The following BRAP variants were observed in gnomAD, a reference collection of about 807,000 sequenced individuals.
BRAP encodes BRCA1-associated protein.
BRAP carries 42 observed loss-of-function variants against 73.4 expected under a neutral mutation model. That is an observed-to-expected ratio of 0.57 (90% confidence interval 0.45 to 0.74). The LOEUF (loss-of-function observed/expected upper bound fraction) is 0.74, where lower values mean the gene tolerates loss of function less well. Among genes scored for constraint, BRAP ranks in the 30% least tolerant of loss-of-function variants. The pLI is 0.00. For missense variants in BRAP, 593 were observed against 751.4 expected, an observed-to-expected ratio of 0.79 and a Z score of 2.46; for synonymous variants, 255 against 267.4, an observed-to-expected ratio of 0.95 and a Z score of 0.45.
chr12:111,652,989 C>A (rs1886385040), intron 10 of BRAP, among the ~76,000 whole-genome samples: 1 of 152,156 alleles, frequency 6.6e-6, no homozygotes, highest in South Asian at 2.1e-4. Context: ...GAATTACAGG[C>A]GTGATCCACT....
chr12:111,670,139 T>C, intron 5 of BRAP: 1 of 618,664 alleles, frequency 1.6e-6, no homozygotes. Context: ...TTGTTGATGC[T>C]TTCTTTGTCA....
chr12:111,672,276 T>C (rs1887207416), intron 5 of BRAP, among the ~76,000 whole-genome samples: 1 of 152,194 alleles, frequency 6.6e-6, no homozygotes, highest in Non-Finnish European at 1.5e-5. Flanking sequence ...AGCTCCAGGC[T>C]TCGTTGATCT....
At position 111,643,380 on chromosome 12, in the gene BRAP, G is replaced by A. The variant is rs957426935; in HGVS notation, c.*819C>T. The A allele has an allele frequency of 2.5e-4, 38 of 152,174 alleles. No individual in the cohort carries two copies. Among genetic ancestry groups the A allele is most frequent in the African/African-American group, 8.4e-4 (35 of 41,452 alleles). The allele number at this position is 152,174 out of a possible 1,614,324, so 9.4% of individuals were successfully genotyped here. ...AGGCCTCACTCTACATTTTCACACG[G>A]ATGAGAAATCTCCCCACTCAGTCTT... On this transcript the variant is annotated 3_prime_UTR_variant, in exon 12 of 12. Transcript: ENST00000419234.
chr12:111,677,186 A>G (rs1447542356), intron 4 of BRAP, among the ~76,000 whole-genome samples: 1 of 152,226 alleles, frequency 6.6e-6, no homozygotes, highest in East Asian at 1.9e-4. Flanking sequence ...TTTATTAAAC[A>G]GGTGACTGTG....
In BRAP at chr12:111,658,849, C is replaced by T. The variant is rs373669972; in HGVS notation, c.1112-4G>A. ...ACCAGTCGATGAACATAGTTATCTA[C>T]AGAAAGAGTCAACAAAAGTGTGTTT... On this transcript the variant is annotated splice_polypyrimidine_tract_variant and splice_region_variant and intron_variant, in intron 8 of 11. Coordinates refer to ENST00000419234, the MANE Select transcript of BRAP (RefSeq NM_006768.5). The T allele has an allele frequency of 6.3e-7, 1 of 1,589,184 alleles. No individual in the cohort carries two copies. Among genetic ancestry groups the T allele is most frequent in the South Asian group, 1.1e-5 (1 of 89,890 alleles).
intron 5 of BRAP, chr12:111,669,906 G>A (rs1382088494): frequency 1.5e-6 from 1 of 648,860 alleles, no homozygotes; most frequent in East Asian, 3.0e-5. Flanking sequence ...CGCTCCCATA[G>A]CTTCTGGTTA....
At chr12:111,661,150 T>C (rs544687477) in intron 6 of BRAP, among the ~76,000 whole-genome samples, 11 of 145,812 alleles carry the variant, frequency 7.5e-5, no homozygotes, top group African/African-American at 2.5e-4. Context: ...CAGCTAATTA[T>C]TGTATTTTTG....
At chr12:111,671,402 T>C (rs1419186631) in intron 5 of BRAP, among the ~76,000 whole-genome samples, 1 of 151,848 alleles carries the variant, frequency 6.6e-6, no homozygotes, top group Non-Finnish European at 1.5e-5. Flanking sequence ...ATAAAAAAAT[T>C]AGCCTGGCAT....
chr12:111,675,020 A>C (rs2135924994), intron 4 of BRAP, among the ~76,000 whole-genome samples: 1 of 152,232 alleles, frequency 6.6e-6, no homozygotes, highest in South Asian at 2.1e-4. Context: ...AAAACCATTC[A>C]ATGAATTATT....
Position 111,658,757 on chromosome 12 carries a change from T to C in BRAP, c.1200A>G (p.Lys400=). The C allele has an allele frequency of 1.9e-6, 3 of 1,605,680 alleles. No homozygotes were observed. Among genetic ancestry groups the C allele is most frequent in the Middle Eastern group, 1.7e-4 (1 of 6,054 alleles). Residue 400 remains lysine (K), a synonymous_variant, in exon 9 of 12, where the codon AAA becomes AAG. Coordinates refer to ENST00000419234, the MANE Select transcript of BRAP (RefSeq NM_006768.5). ...ECEGDTCQEE[K]IDALQLEYSY... The stretch of plus-strand genomic sequence containing the variant: ...TTACCTCTAACTGTAAGGCATCTAT[T>C]TTCTCTTCCTGGCAAGTATCCCCCT...
At chr12:111,645,259 G>A (rs760503998) in intron 11 of BRAP, among the ~76,000 whole-genome samples, 1 of 151,958 alleles carries the variant, frequency 6.6e-6, no homozygotes, top group Non-Finnish European at 1.5e-5. Flanking sequence ...AGTAGCGACG[G>A]GGTTTCACCA....
chr12:111,660,481 T>A (rs1419586), intron 7 of BRAP, 119 bp downstream of exon 7: 1 of 864,102 alleles, frequency 1.2e-6, no homozygotes, highest in South Asian at 2.7e-5. Context: ...AAGCCCTGTC[T>A]CTTAAAATAA....
intron 6 of BRAP, among the ~76,000 whole-genome samples, chr12:111,663,449 T>C (rs1886826819): frequency 6.6e-6 from 1 of 152,152 alleles, no homozygotes; most frequent in Non-Finnish European, 1.5e-5. Flanking sequence ...TGAGACTCCA[T>C]CTCAAAAAAT....
intron 3 of BRAP, among the ~76,000 whole-genome samples, chr12:111,680,223 G>C (rs945906052): frequency 1.3e-5 from 2 of 151,938 alleles, no homozygotes; most frequent in African/African-American, 4.8e-5. Flanking sequence ...CAAAGTACTG[G>C]GATTACAGGC....
chr12:111,668,367 TA>T (rs1299370409), intron 5 of BRAP, among the ~76,000 whole-genome samples: 1 of 152,152 alleles, frequency 6.6e-6, no homozygotes, highest in African/African-American at 2.4e-5. Context: ...TTATACTTTT[TA>T]AAAAAATAAA....
chr12:111,679,443 T>C, intron 3 of BRAP, 103 bp from the exon 4 acceptor site: 2 of 838,880 alleles, frequency 2.4e-6, no homozygotes, highest in South Asian at 4.2e-5. Context: ...AAATAAAAAT[T>C]GTAATATTTC....
intron 2 of BRAP, 78 bp downstream of exon 2, chr12:111,683,068 G>T: frequency 1.4e-6 from 2 of 1,460,656 alleles, no homozygotes; most frequent in Non-Finnish European, 1.9e-6. Context: ...GAAATTGTAG[G>T]CTCATCAAAC....
At chr12:111,652,405 A>C (rs1744627126) in intron 10 of BRAP, among the ~76,000 whole-genome samples, 1 of 152,030 alleles carries the variant, frequency 6.6e-6, no homozygotes, top group African/African-American at 2.4e-5. Flanking sequence ...TTGTATTTTT[A>C]GTACAGACGG....
intron 4 of BRAP, 45 bp downstream of exon 4, chr12:111,679,106 A>G: frequency 1.5e-6 from 2 of 1,365,814 alleles, no homozygotes; most frequent in South Asian, 1.9e-5. Flanking sequence ...TGAATACCAC[A>G]GTTTCTGTGG....
Sources: gnomAD v4.1 joint callset for allele counts (sites outside exome capture counted in the v4.1 genomes callset) on GRCh38, gnomAD v4.1.1 for gene constraint, MANE v1.5 for transcripts, NCBI Gene and HGNC (gene_info 2026-07-23, HGNC 2026-07-21) for gene names.